The following ERI1 variants were observed in gnomAD, a reference collection of about 807,000 sequenced individuals.
ERI1 encodes the protein 3'-5' exoribonuclease 1.
A neutral mutation model predicts 39.7 loss-of-function variants in ERI1; 39 were observed. The ratio of observed to expected loss-of-function variants is 0.98; its 90% CI spans 0.76 to 1.28. ERI1 has a LOEUF of 1.28. Ranked by LOEUF, ERI1 falls within the 50% of genes most tolerant of loss-of-function variation. ERI1 has a pLI of 0.00. For synonymous variants in ERI1, 204 were observed against 149.6 expected (o/e 1.36, Z -2.65); for missense variants, 581 against 416.9 (o/e 1.39, Z -3.43).
intron 4 of ERI1, among the ~76,000 whole-genome samples, chr8:9,017,206 A>AT (rs943607324): frequency 1.4e-4 from 21 of 149,816 alleles, no homozygotes; most frequent in African/African-American, 3.4e-4. Flanking sequence ...TGATTGGCTA[A>AT]TTTTTTTTTT....
intron 3 of ERI1, among the ~76,000 whole-genome samples, chr8:9,093,415 T>C (rs1031794831): frequency 5.9e-5 from 9 of 151,638 alleles, no homozygotes; most frequent in African/African-American, 1.7e-4. Context: ...ATGTGAATTT[T>C]GGGGGCATGC....
chr8:9,048,374 G>C (rs901493880), intron 3 of ERI1: 1 of 154,384 alleles, frequency 6.5e-6, no homozygotes, highest in African/African-American at 2.4e-5. Context: ...TTCAAGATAG[G>C]AATTTCCCTC....
At chr8:9,028,738 C>T (rs956365615) in intron 6 of ERI1, among the ~76,000 whole-genome samples, 1 of 152,046 alleles carries the variant, frequency 6.6e-6, no homozygotes, top group African/African-American at 2.4e-5. Flanking sequence ...ATTCTTCTGC[C>T]TCAGCCTCCC....
chr8:9,079,627 C>G (rs78031352), intron 3 of ERI1, among the ~76,000 whole-genome samples: 2,081 of 152,288 alleles, frequency 0.014, 26 homozygotes, highest in Non-Finnish European at 0.022. Context: ...TGGGAAGACT[C>G]AGCCCCAGGT....
intron 3 of ERI1, among the ~76,000 whole-genome samples, chr8:9,044,194 C>T (rs1428327220): frequency 1.3e-5 from 2 of 152,150 alleles, no homozygotes; most frequent in Non-Finnish European, 2.9e-5. Context: ...AAAACATCTT[C>T]AAATAAAACA....
intron 1 of ERI1, among the ~76,000 whole-genome samples, chr8:9,005,920 C>G (rs1644308827): frequency 6.6e-6 from 1 of 152,198 alleles, no homozygotes; most frequent in African/African-American, 2.4e-5. Flanking sequence ...CATACATCCA[C>G]TTAATTGAAT....
At chr8:9,013,998 C>T (rs1039632705) in intron 3 of ERI1, among the ~76,000 whole-genome samples, 4 of 152,204 alleles carry the variant, frequency 2.6e-5, no homozygotes, top group Non-Finnish European at 5.9e-5. Context: ...ACAACCAGTT[C>T]TCAAAAAACT....
chr8:9,021,471 T>C (rs34418902), intron 6 of ERI1, among the ~76,000 whole-genome samples: 21,075 of 152,162 alleles, frequency 0.14, 1,596 homozygotes, highest in Middle Eastern at 0.17. Context: ...AGTAGTTTCA[T>C]GAGAAAAGGT....
intron 5 of ERI1, among the ~76,000 whole-genome samples, chr8:9,019,205 A>C (rs527384540): frequency 1.9e-4 from 29 of 152,262 alleles, no homozygotes; most frequent in African/African-American, 6.7e-4. Context: ...TGCCAGGGCA[A>C]CTCCGATACC....
At chr8:9,089,977 G>C (rs1192577827) in intron 3 of ERI1, among the ~76,000 whole-genome samples, 1 of 152,174 alleles carries the variant, frequency 6.6e-6, no homozygotes, top group Non-Finnish European at 1.5e-5. Context: ...AAGAGGGTGT[G>C]CTACTTGCAA....
chr8:9,023,111 CTT>C (rs890023639), intron 6 of ERI1, among the ~76,000 whole-genome samples: 24 of 152,074 alleles, frequency 1.6e-4, no homozygotes, highest in Admixed American at 4.6e-4. Context: ...TAATATGTCT[CTT>C]AAGTTTTTTA....
intron 6 of ERI1, among the ~76,000 whole-genome samples, chr8:9,029,472 A>G (rs1797430926): frequency 6.6e-6 from 1 of 151,988 alleles, no homozygotes; most frequent in Admixed American, 6.6e-5. Context: ...GGCATTACAG[A>G]TGTGCACCAC....
chr8:9,045,097 G>A (rs557605323), intron 3 of ERI1, among the ~76,000 whole-genome samples: 41 of 151,934 alleles, frequency 2.7e-4, no homozygotes, highest in African/African-American at 7.5e-4. Context: ...TTAGCTGGGC[G>A]TAGTGGCGGG....
At chr8:9,053,510 G>T (rs1585264481) in intron 3 of ERI1, among the ~76,000 whole-genome samples, 1 of 152,144 alleles carries the variant, frequency 6.6e-6, no homozygotes, top group Non-Finnish European at 1.5e-5. Context: ...CTTCCATTTG[G>T]CTGTTCTTGA....
intron 3 of ERI1, among the ~76,000 whole-genome samples, chr8:9,012,688 G>C (rs931655973): frequency 2.5e-4 from 38 of 152,188 alleles, no homozygotes; most frequent in African/African-American, 8.7e-4. Flanking sequence ...TACTGTAGCA[G>C]TTCTCCCTCA....
chr8:9,065,074 C>G (rs1299203903), intron 3 of ERI1, among the ~76,000 whole-genome samples: 1 of 152,090 alleles, frequency 6.6e-6, no homozygotes, highest in African/African-American at 2.4e-5. Context: ...AAGGCAGGAA[C>G]AGGCCATTTT....
intron 3 of ERI1, among the ~76,000 whole-genome samples, chr8:9,084,136 C>T (rs1022816011): frequency 1.3e-5 from 2 of 151,960 alleles, no homozygotes; most frequent in African/African-American, 2.4e-5. Flanking sequence ...GTGGTGTGCA[C>T]CTGTAGTCCC....
intron 3 of ERI1, among the ~76,000 whole-genome samples, chr8:9,047,313 T>C (rs574869487): frequency 6.6e-6 from 1 of 152,256 alleles, no homozygotes; most frequent in Admixed American, 6.5e-5. Context: ...CTCCACTAAT[T>C]AGCCTGTGGC....
At chr8:9,096,312 C>T (rs957824184) in intron 3 of ERI1, among the ~76,000 whole-genome samples, 1 of 152,174 alleles carries the variant, frequency 6.6e-6, no homozygotes, top group Admixed American at 6.5e-5. Context: ...ACAAATCCAG[C>T]CCCGGCTCCC....
Sources: allele counts gnomAD v4.1 joint callset (sites outside exome capture counted in the v4.1 genomes callset), GRCh38; gene constraint gnomAD v4.1.1; transcripts MANE v1.5; gene names NCBI Gene and HGNC (gene_info 2026-07-23, HGNC 2026-07-21).